Variants in PUDP observed in about 807,000 individuals in gnomAD.
PUDP encodes pseudouridine-5'-phosphatase.
PUDP carries 8 observed loss-of-function variants against 9.4 expected under a neutral mutation model. The ratio of observed to expected loss-of-function variants is 0.85; its 90% CI spans 0.50 to 1.53. The LOEUF (loss-of-function observed/expected upper bound fraction) is 1.53, where lower values mean the gene tolerates loss of function less well. PUDP is among the 40% of genes most tolerant of loss of function. The pLI is 0.00. For missense variants in PUDP, 188 were observed against 189.7 expected (o/e 0.99, Z 0.05); for synonymous variants, 99 against 80.7 (o/e 1.23, Z -1.22).
intron 3 of PUDP, among the ~76,000 whole-genome samples, chrX:6,965,211 T>C (rs529984191): frequency 8.9e-6 from 1 of 112,022 alleles, no homozygotes; most frequent in African/African-American, 3.2e-5. Flanking sequence ...AGTATTGTTT[T>C]AAAACAGTAA....
chrX:7,128,144 C>G (rs756207035), intron 1 of PUDP, among the ~76,000 whole-genome samples: 1 of 110,953 alleles, frequency 9.0e-6, no homozygotes, highest in Non-Finnish European at 1.9e-5. Context: ...CAGGTTCAAG[C>G]GATTCTCATG....
At chrX:6,787,159 G>A (rs1925661672) in intron 3 of PUDP, among the ~76,000 whole-genome samples, 1 of 111,538 alleles carries the variant, frequency 9.0e-6, no homozygotes, top group Non-Finnish European at 1.9e-5. Flanking sequence ...GAAATGATTT[G>A]AGGGCCACTC....
At chrX:6,775,694 G>A (rs1036881615) in intron 3 of PUDP, among the ~76,000 whole-genome samples, 5 of 110,980 alleles carry the variant, frequency 4.5e-5, no homozygotes, top group Admixed American at 3.8e-4. Context: ...GGTGATGAGG[G>A]TGGAGGTGAT....
At chrX:6,971,263 G>A (rs181557871) in intron 3 of PUDP, among the ~76,000 whole-genome samples, 1 of 110,855 alleles carries the variant, frequency 9.0e-6, no homozygotes, top group Admixed American at 9.6e-5. Flanking sequence ...CCAGTACCAT[G>A]CTGTTTTGGT....
In PUDP at chrX:6,940,305, G is replaced by T. The variant is rs377296434; in HGVS notation, c.*247+36828C>A. ...TGGCTTTTTTCACACTACAATGACG[G>T]AATTGAGAAGTGGCGACAAGGACCA... is the stretch of plus-strand genomic sequence containing the variant. On this transcript the variant is annotated intron_variant and NMD_transcript_variant, in intron 3 of 3. Transcript: ENST00000655425. Among the ~76,000 whole-genome samples, 13 of 113,042 alleles carry T rather than the reference G, an allele frequency of 1.2e-4. No homozygotes were observed. The South Asian group carries it at 2.2e-3, about 19-fold the overall frequency.
rs771477756 is a variant in PUDP at position 6,886,199 on chromosome X, T to C, written c.*247+90934A>G. ...TCCCAGAATAAATTCCAAGGGTATA[T>C]AATTTTAAACTCCAATTATGGCAGT... On this transcript the variant is annotated intron_variant and NMD_transcript_variant, in intron 3 of 3. Coordinates refer to the PUDP transcript ENST00000655425. Among the ~76,000 whole-genome samples, 5 of 112,300 alleles carry C rather than the reference T, an allele frequency of 4.5e-5. No individual in the cohort carries two copies. In the South Asian group the frequency reaches 1.8e-3, roughly 41 times the overall value.
In PUDP at chrX:7,049,969, C is replaced by T. The variant is rs1181642160; in HGVS notation, c.*327G>A. The T allele has an allele frequency of 2.0e-5, 4 of 202,800 alleles. No individual in the cohort carries two copies. Among genetic ancestry groups the T allele is most frequent in the South Asian group, 2.1e-4 (1 of 4,762 alleles). The allele number at this position is 202,800 out of a possible 1,213,427, so 16.7% of individuals were successfully genotyped here. A position where few individuals can be genotyped will look rare whatever the true frequency, so the allele number is the denominator to read the frequency against. ...CTGCATATTACCAAACTGATACACA[C>T]ATGTATATATGGAGGTGTGTGTGTA... On this transcript the variant is annotated 3_prime_UTR_variant, in exon 4 of 4. Transcript: ENST00000381077.
chrX:7,055,062 C>T (rs1160259486), intron 3 of PUDP, among the ~76,000 whole-genome samples: 1 of 111,102 alleles, frequency 9.0e-6, no homozygotes, highest in Non-Finnish European at 1.9e-5. Context: ...GTGCTAGGCC[C>T]AGATGGCAAC....
intron 2 of PUDP, among the ~76,000 whole-genome samples, chrX:7,094,173 T>A (rs760373330): frequency 1.8e-5 from 2 of 109,067 alleles, no homozygotes; most frequent in Non-Finnish European, 3.8e-5. Flanking sequence ...TTGAGAAACA[T>A]CTCCACATGC....
chrX:7,125,979 G>T (rs777272601), intron 1 of PUDP, among the ~76,000 whole-genome samples: 27 of 110,844 alleles, frequency 2.4e-4, no homozygotes, highest in African/African-American at 8.5e-4. Flanking sequence ...CTTACTCTTA[G>T]CATTCCCTAT....
chrX:6,797,578 T>A (rs1925865161), intron 3 of PUDP, among the ~76,000 whole-genome samples: 1 of 111,084 alleles, frequency 9.0e-6, no homozygotes, highest in African/African-American at 3.3e-5. Flanking sequence ...CTTCTTCCAA[T>A]AGACAGTGAA....
At chrX:6,729,255 G>A (rs754344262) in intron 3 of PUDP, among the ~76,000 whole-genome samples, 25 of 111,942 alleles carry the variant, frequency 2.2e-4, no homozygotes, top group African/African-American at 8.1e-4. Context: ...TGCCTCCTTT[G>A]GAGAGGCTCA....
chrX:7,044,641 G>A (rs1169422778), downstream of PUDP, among the ~76,000 whole-genome samples: 1 of 112,098 alleles, frequency 8.9e-6, no homozygotes, highest in Non-Finnish European at 1.9e-5. Flanking sequence ...GTCACCACAA[G>A]GTGGGTACCA....
intron 3 of PUDP, among the ~76,000 whole-genome samples, chrX:6,799,999 C>T (rs747065217): frequency 1.8e-5 from 2 of 111,606 alleles, no homozygotes; most frequent in African/African-American, 3.3e-5. Flanking sequence ...TCTATTTTAG[C>T]GAGTACTATA....
chrX:6,746,062 A>T lies in PUDP; in HGVS notation c.*248-39596T>A, dbSNP rs147569132. 8.6e-3 allele frequency among the ~76,000 whole-genome samples: 965 copies of T among 112,197 alleles called. 8 individuals are homozygous for T. The highest frequency in any genetic ancestry group is 0.029 in the African/African-American group (882 of 30,852). ...TGTGGCTTAGGAATTGAAACAACTG[A>T]AATTTCTTGCTTAAAGAAATTTCAA... On this transcript the variant is annotated intron_variant and NMD_transcript_variant, in intron 3 of 3. Transcript: ENST00000655425.
At chrX:7,140,987 G>A (rs1419567896) in intron 1 of PUDP, among the ~76,000 whole-genome samples, 1 of 111,345 alleles carries the variant, frequency 9.0e-6, no homozygotes, top group South Asian at 3.9e-4. Flanking sequence ...ATAAGTCAGA[G>A]AACTTAAGGG....
chrX:7,073,416 C>T (rs1446919119), intron 3 of PUDP, among the ~76,000 whole-genome samples: 1 of 112,172 alleles, frequency 8.9e-6, no homozygotes, highest in Non-Finnish European at 1.9e-5. Flanking sequence ...AACCTGGTGA[C>T]ACCTATGGCA....
At chrX:6,909,951 G>A (rs1927824702) in intron 3 of PUDP, among the ~76,000 whole-genome samples, 1 of 112,471 alleles carries the variant, frequency 8.9e-6, no homozygotes, top group Non-Finnish European at 1.9e-5. Flanking sequence ...CAGAGTAGGT[G>A]TTGTCTTCAA....
At chrX:6,790,472 T>C (rs751893234) in intron 3 of PUDP, among the ~76,000 whole-genome samples, 1 of 112,622 alleles carries the variant, frequency 8.9e-6, no homozygotes, top group South Asian at 3.7e-4. Flanking sequence ...ATCTCAATCA[T>C]CTTATGCTCA....
Sources: gnomAD v4.1 joint callset for allele counts (sites outside exome capture counted in the v4.1 genomes callset) on GRCh38, gnomAD v4.1.1 for gene constraint, MANE v1.5 for transcripts, NCBI Gene and HGNC (gene_info 2026-07-23, HGNC 2026-07-21) for gene names.